The following KRABD5 variants were observed in gnomAD, a reference collection of about 807,000 sequenced individuals.
KRABD5 encodes KRAB domain containing 5, also known as KRAB domain-containing protein 5.
At chr16:31,738,615 T>G in the KRABD5 span, among the ~76,000 whole-genome samples, 1 of 152,288 alleles carries the variant, frequency 6.6e-6, no homozygotes, top group South Asian at 2.1e-4. Context: ...AGTTAGATCT[T>G]GTTTCTTGAA....
At chr16:31,758,667 G>A in the KRABD5 span, 4 of 151,688 alleles carry the variant, frequency 2.6e-5, no homozygotes, top group Admixed American at 2.6e-4. Context: ...CCAGCTACTT[G>A]GGAGGCTGAA....
chr16:31,731,854 A>G, the KRABD5 span, among the ~76,000 whole-genome samples: 2 of 152,104 alleles, frequency 1.3e-5, no homozygotes, highest in Admixed American at 1.3e-4. Context: ...GTCAGTGTTG[A>G]CAGTTCTACA....
chr16:31,722,554 T>C, the KRABD5 span: 6 of 1,569,380 alleles, frequency 3.8e-6, no homozygotes, highest in South Asian at 5.9e-5. Context: ...CTCTCTTATT[T>C]CATCTTGGTT....
chr16:31,743,116 T>C, the KRABD5 span, among the ~76,000 whole-genome samples: 1 of 151,012 alleles, frequency 6.6e-6, no homozygotes, highest in Middle Eastern at 3.2e-3. Context: ...TAACCAGGCT[T>C]TTAGTTTAAT....
chr16:31,748,346 C>G, the KRABD5 span, among the ~76,000 whole-genome samples: 2 of 152,136 alleles, frequency 1.3e-5, no homozygotes, highest in Admixed American at 1.3e-4. Context: ...TTCCATTGGT[C>G]TATATCTCTG....
chr16:31,740,860 G>A, the KRABD5 span, among the ~76,000 whole-genome samples: 6 of 152,080 alleles, frequency 3.9e-5, no homozygotes, highest in East Asian at 1.9e-4. Flanking sequence ...AGGTGTACAT[G>A]TGTTGGTTCA....
the KRABD5 span, among the ~76,000 whole-genome samples, chr16:31,747,581 G>A: frequency 1.1e-4 from 16 of 152,176 alleles, no homozygotes; most frequent in African/African-American, 3.9e-4. Context: ...TTCCACAATG[G>A]TTGAACTAGT....
At chr16:31,727,119 G>A in the KRABD5 span, among the ~76,000 whole-genome samples, 3 of 152,068 alleles carry the variant, frequency 2.0e-5, no homozygotes, top group East Asian at 1.9e-4. Context: ...ACTAATTTTT[G>A]TATGGTAATT....
chr16:31,716,502 A>G, the KRABD5 span, among the ~76,000 whole-genome samples: 26 of 152,100 alleles, frequency 1.7e-4, no homozygotes, highest in East Asian at 1.7e-3. Context: ...AGCCTCCCCA[A>G]TCACTGGGAC....
At chr16:31,719,655 A>G in the KRABD5 span, among the ~76,000 whole-genome samples, 1 of 152,194 alleles carries the variant, frequency 6.6e-6, no homozygotes, top group Admixed American at 6.5e-5. Flanking sequence ...CTACCCTCAC[A>G]GAACTGTTTG....
At chr16:31,753,664 A>C in the KRABD5 span, 5 of 1,147,524 alleles carry the variant, frequency 4.4e-6, no homozygotes, top group Non-Finnish European at 5.9e-6. Flanking sequence ...TGATTCAACT[A>C]TCATGGTGTT....
At chr16:31,750,614 G>A in the KRABD5 span, among the ~76,000 whole-genome samples, 11 of 152,162 alleles carry the variant, frequency 7.2e-5, no homozygotes, top group South Asian at 2.1e-4. Context: ...TGTTTTTAAG[G>A]GGAATGCCTC....
chr16:31,755,919 A>G, the KRABD5 span: 2 of 186,690 alleles, frequency 1.1e-5, no homozygotes, highest in Non-Finnish European at 2.3e-5. Flanking sequence ...AGTATTTGTT[A>G]TGGAGGATTA....
chr16:31,736,061 G>T, the KRABD5 span, among the ~76,000 whole-genome samples: 1 of 152,106 alleles, frequency 6.6e-6, no homozygotes, highest in South Asian at 2.1e-4. Flanking sequence ...AATCCATTTT[G>T]AGTTGGTTTT....
chr16:31,754,286 A>C, the KRABD5 span: 2 of 625,754 alleles, frequency 3.2e-6, no homozygotes, highest in African/African-American at 3.7e-5. Flanking sequence ...CCAACAAATA[A>C]CACCTCGTTC....
chr16:31,750,319 T>C, the KRABD5 span, among the ~76,000 whole-genome samples: 1 of 152,178 alleles, frequency 6.6e-6, no homozygotes, highest in Non-Finnish European at 1.5e-5. Flanking sequence ...TGGAATTATG[T>C]TCTTGATTTG....
the KRABD5 span, chr16:31,758,176 T>C: frequency 6.6e-6 from 1 of 152,062 alleles, no homozygotes; most frequent in East Asian, 1.9e-4. Flanking sequence ...TTAATAAAAA[T>C]GATGGGGACT....
At chr16:31,757,920 AGGATGGATGGAT>A in the KRABD5 span, 1 of 151,934 alleles carries the variant, frequency 6.6e-6, no homozygotes, top group Non-Finnish European at 1.5e-5. Flanking sequence ...GATATCTGGA[AGGATGGATGGAT>A]GGATGGATGG....
chr16:31,720,690 A>T, the KRABD5 span, among the ~76,000 whole-genome samples: 5 of 152,174 alleles, frequency 3.3e-5, no homozygotes, highest in African/African-American at 9.7e-5. Context: ...GTCGATGCTA[A>T]CTTCATTCAC....
Sources: gnomAD v4.1 joint callset for allele counts (sites outside exome capture counted in the v4.1 genomes callset) on GRCh38, gnomAD v4.1.1 for gene constraint, MANE v1.5 for transcripts, NCBI Gene and HGNC (gene_info 2026-07-23, HGNC 2026-07-21) for gene names.